Variants in UNC5D observed in about 807,000 individuals in gnomAD.
The protein encoded by UNC5D is unc-5 netrin receptor D, also known as netrin receptor UNC5D.
UNC5D carries 39 observed loss-of-function variants against 105.4 expected under a neutral mutation model. The ratio of observed to expected loss-of-function variants is 0.37; its 90% CI spans 0.29 to 0.48. The LOEUF (loss-of-function observed/expected upper bound fraction) is 0.48, where lower values mean the gene tolerates loss of function less well. UNC5D is among the 20% of genes least tolerant of loss of function. UNC5D has a pLI of 0.98. For missense variants in UNC5D, 991 were observed against 1,202.4 expected, an observed-to-expected ratio of 0.82 and a Z score of 2.60; for synonymous variants, 452 against 450.4, an observed-to-expected ratio of 1.00 and a Z score of -0.04.
intron 2 of UNC5D, among the ~76,000 whole-genome samples, chr8:35,563,914 T>C (rs1369699751): frequency 6.6e-6 from 1 of 152,188 alleles, no homozygotes; most frequent in Non-Finnish European, 1.5e-5. Flanking sequence ...TGTGTCATGT[T>C]TATTGATTTG....
At position 35,429,816 on chromosome 8, in the gene UNC5D, C is replaced by CT. The variant is rs920529634; in HGVS notation, c.104-119468dup. Among the ~76,000 whole-genome samples, 11 of 152,000 alleles carry CT rather than the reference C, an allele frequency of 7.2e-5. No individual in the cohort carries two copies. In the South Asian group the frequency reaches 1.5e-3, roughly 20 times the overall value. On this transcript the variant is annotated intron_variant, in intron 1 of 16. Transcript: ENST00000404895. ...TCCCCAGCCCATGACGACCAATGAT[C>CT]TTTTTTTTGTTACTATAGAGCCTAG...
intron 3 of UNC5D, among the ~76,000 whole-genome samples, chr8:35,580,068 TC>T (rs1196283149): frequency 6.6e-6 from 1 of 152,162 alleles, no homozygotes; most frequent in African/African-American, 2.4e-5. Flanking sequence ...GTTTGGGGAC[TC>T]CTCCAAGTTT....
At chr8:35,396,721 C>G (rs971265262) in intron 1 of UNC5D, among the ~76,000 whole-genome samples, 29 of 151,840 alleles carry the variant, frequency 1.9e-4, no homozygotes, top group African/African-American at 7.0e-4. Context: ...TGGTCTTGAA[C>G]TCCTGACCTC....
chr8:35,744,274 G>A (rs1202746500), intron 11 of UNC5D, among the ~76,000 whole-genome samples: 1 of 152,182 alleles, frequency 6.6e-6, no homozygotes, highest in Admixed American at 6.5e-5. Flanking sequence ...TCCTGGGAAC[G>A]TTAACTTGGT....
chr8:35,517,806 G>A (rs1385708478), intron 1 of UNC5D, among the ~76,000 whole-genome samples: 1 of 152,108 alleles, frequency 6.6e-6, no homozygotes, highest in African/African-American at 2.4e-5. Flanking sequence ...TTGTAGTTCT[G>A]GAGCTTGGGA....
intron 9 of UNC5D, among the ~76,000 whole-genome samples, chr8:35,725,364 A>AT (rs369199059): frequency 9.9e-4 from 151 of 152,110 alleles, no homozygotes; most frequent in African/African-American, 3.5e-3. Flanking sequence ...TTGGAAAAAA[A>AT]TGGCGAGCCC....
chr8:35,355,460 C>T (rs569743453), intron 1 of UNC5D, among the ~76,000 whole-genome samples: 6 of 152,234 alleles, frequency 3.9e-5, no homozygotes, highest in African/African-American at 1.4e-4. Flanking sequence ...TATAATCTAA[C>T]CATCATTCCC....
At chr8:35,584,792 C>T (rs1055072681) in intron 3 of UNC5D, among the ~76,000 whole-genome samples, 2 of 152,052 alleles carry the variant, frequency 1.3e-5, no homozygotes, top group Non-Finnish European at 2.9e-5. Flanking sequence ...TATGTTATAG[C>T]CTTTGTAAGA....
chr8:35,518,504 A>G (rs778106173), intron 1 of UNC5D, among the ~76,000 whole-genome samples: 2 of 152,204 alleles, frequency 1.3e-5, no homozygotes, highest in Non-Finnish European at 2.9e-5. Flanking sequence ...GATGGTAGAT[A>G]GATCGATGGT....
intron 3 of UNC5D, among the ~76,000 whole-genome samples, chr8:35,585,942 A>G (rs1818767554): frequency 1.3e-5 from 2 of 152,134 alleles, no homozygotes; most frequent in African/African-American, 4.8e-5. Flanking sequence ...AGGTGGGAAC[A>G]GCCTAATATC....
intron 1 of UNC5D, among the ~76,000 whole-genome samples, chr8:35,453,920 C>T (rs1011610145): frequency 5.9e-5 from 9 of 152,114 alleles, no homozygotes; most frequent in African/African-American, 2.2e-4. Flanking sequence ...CTTTTTCTTT[C>T]CTCTCCCCTA....
In UNC5D at chr8:35,692,653, C is replaced by T. The variant is rs529912435; in HGVS notation, c.1084+5944C>T. 3.9e-5 allele frequency among the ~76,000 whole-genome samples: 6 copies of T among 152,244 alleles called. No individual in the cohort carries two copies. The South Asian group carries it at 1.2e-3, about 32-fold the overall frequency. On this transcript the variant is annotated intron_variant, in intron 7 of 16. Transcript: ENST00000404895. Reference sequence around the variant, plus strand: ...GTTGGACAAGTTCATATTTCAAAACCAGCTGAACCAGCCACACTGCACAAT... The same window carrying T: ...GTTGGACAAGTTCATATTTCAAAACTAGCTGAACCAGCCACACTGCACAAT...
At chr8:35,493,507 T>C (rs1205938358) in intron 1 of UNC5D, among the ~76,000 whole-genome samples, 1 of 152,132 alleles carries the variant, frequency 6.6e-6, no homozygotes, top group African/African-American at 2.4e-5. Context: ...TTGTTGGTCA[T>C]GTCTTTGTAA....
chr8:35,512,204 T>C (rs1812757516), intron 1 of UNC5D, among the ~76,000 whole-genome samples: 1 of 151,764 alleles, frequency 6.6e-6, no homozygotes, highest in Non-Finnish European at 1.5e-5. Flanking sequence ...CTTTTCCCTT[T>C]CATATACTAA....
intron 1 of UNC5D, among the ~76,000 whole-genome samples, chr8:35,245,386 A>G (rs578135840): frequency 1.6e-4 from 24 of 152,232 alleles, no homozygotes; most frequent in African/African-American, 5.1e-4. Flanking sequence ...GAAAGAATCT[A>G]TCCTTCCTCT....
chr8:35,630,059 A>G (rs1002247046), intron 4 of UNC5D, among the ~76,000 whole-genome samples: 5 of 152,156 alleles, frequency 3.3e-5, no homozygotes, highest in African/African-American at 1.2e-4. Flanking sequence ...TTACGCATGG[A>G]AAAGACTTTG....
At chr8:35,304,634 A>G (rs942821987) in intron 1 of UNC5D, among the ~76,000 whole-genome samples, 2 of 152,148 alleles carry the variant, frequency 1.3e-5, no homozygotes, top group African/African-American at 4.8e-5. Flanking sequence ...TAAACAGAAA[A>G]AAAAGAAGAG....
chr8:35,620,619 A>G (rs1387377326), intron 4 of UNC5D, among the ~76,000 whole-genome samples: 1 of 151,414 alleles, frequency 6.6e-6, no homozygotes, highest in Non-Finnish European at 1.5e-5. Flanking sequence ...ATTATGGTTT[A>G]CCTTATCTCC....
chr8:35,542,882 T>C (rs1815374085), intron 1 of UNC5D, among the ~76,000 whole-genome samples: 1 of 152,226 alleles, frequency 6.6e-6, no homozygotes. Flanking sequence ...TCTTTCCTTT[T>C]TATGCTTTTG....
Sources: gnomAD v4.1 joint callset for allele counts (sites outside exome capture counted in the v4.1 genomes callset) on GRCh38, gnomAD v4.1.1 for gene constraint, MANE v1.5 for transcripts, NCBI Gene and HGNC (gene_info 2026-07-23, HGNC 2026-07-21) for gene names.